Variants in MUC4 observed in about 807,000 individuals in gnomAD.
MUC4 encodes mucin 4, cell surface associated, also known as mucin-4.
A neutral mutation model predicts 257.9 loss-of-function variants in MUC4; 202 were observed. The ratio of observed to expected loss-of-function variants is 0.78; its 90% confidence interval spans 0.70 to 0.88. MUC4 has a LOEUF of 0.88. Among genes scored for constraint, MUC4 ranks in the 40% least tolerant of loss-of-function variants. The probability of loss-of-function intolerance (pLI) is 0.00; values close to 1 mark genes in which losing one functional copy is unlikely to be tolerated. For missense variants in MUC4, 5,976 were observed against 6,513.7 expected, an observed-to-expected ratio of 0.92 and a Z score of 2.84; for synonymous variants, 2,351 against 2,757.1, an observed-to-expected ratio of 0.85 and a Z score of 4.62.
At chr3:195,753,302 G>A (rs975938802) in intron 19 of MUC4, 72 bp from the exon 20 acceptor site, 13 of 1,466,094 alleles carry the variant, frequency 8.9e-6, no homozygotes, top group South Asian at 4.7e-5. Context: ...GTGGAAACCC[G>A]CTCCGGGACA....
chr3:195,747,827 C>T (rs1715366794), intron 24 of MUC4, among the ~76,000 whole-genome samples: 1 of 152,298 alleles, frequency 6.6e-6, no homozygotes, highest in Non-Finnish European at 1.5e-5. Context: ...CAACACTGCA[C>T]TCCAGCCTGG....
rs1578428228 is a variant in MUC4 at position 195,789,840 on chromosome 3, G to A, written c.1740C>T (p.Ser580=). The A allele has an allele frequency of 6.2e-7, 1 of 1,614,030 alleles. No individual in the cohort carries two copies. The highest frequency in any genetic ancestry group is 8.5e-7 in the Non-Finnish European group (1 of 1,179,878). The change falls in exon 2 of 25, where the codon AGC becomes AGT. Residue 580 remains serine, a synonymous_variant. Coordinates refer to ENST00000463781, the MANE Select transcript of MUC4 (RefSeq NM_018406.7). ...ETGTTGEALL[S]SPSYSVTQMI... The stretch of plus-strand genomic sequence containing the variant: ...TCTGAGTCACACTGTAGCTTGGGCT[G>A]CTGAGAAGAGCCTCTCCAGTGGTCC...
intron 1 of MUC4, chr3:195,809,935 G>A (rs1736480291): frequency 6.6e-6 from 1 of 152,504 alleles, no homozygotes; most frequent in South Asian, 2.1e-4. Context: ...TTGGCCCTGG[G>A]GCTCCTAAAT....
chr3:195,749,034 C>A lies in MUC4; in HGVS notation c.15902G>T (p.Arg5301Ile), dbSNP rs774101318. ...LNVSTLKAYF[R>I]CDGYKGYDLV... ...GTCGTAGCCCTTGTAGCCATCGCATCTGAAGTAAGCCTTCAGCGTGCTCAC... is the reference window on the plus strand; with the variant it reads ...GTCGTAGCCCTTGTAGCCATCGCATATGAAGTAAGCCTTCAGCGTGCTCAC... Residue 5301 changes from arginine (R) to isoleucine (I), a missense_variant, in exon 24 of 25, where the codon AGA (arginine) becomes ATA (isoleucine). By Grantham distance (97) the Arg-to-Ile change is moderately conservative. Coordinates refer to ENST00000463781, the MANE Select transcript of MUC4 (RefSeq NM_018406.7). The A allele has an allele frequency of 5.6e-6, 9 of 1,606,224 alleles. No homozygotes were observed. The Middle Eastern group carries it at 8.2e-4, about 147-fold the overall frequency.
rs372247433 is a variant in MUC4 at position 195,765,461 on chromosome 3, G to A, written c.13619-12C>T. The A allele has an allele frequency of 4.7e-5, 76 of 1,607,776 alleles. No homozygotes were observed. The highest frequency in any genetic ancestry group is 4.3e-5 in the Non-Finnish European group (50 of 1,176,376). ...CAGCCCTTGGAGGCCTGAGGTCGGG[G>A]ATGGGGGGGAAAGGGCTTATCCAGG... On this transcript the variant is annotated splice_polypyrimidine_tract_variant and intron_variant, in intron 8 of 24. Coordinates refer to ENST00000463781, the MANE Select transcript of MUC4 (RefSeq NM_018406.7).
At chr3:195,772,392 GGT>G in intron 4 of MUC4, among the ~76,000 whole-genome samples, 1 of 141,042 alleles carries the variant, frequency 7.1e-6, no homozygotes, top group African/African-American at 2.7e-5. Context: ...ATCGCTCAGG[GGT>G]GTAGACACCC....
chr3:195,763,066 G>A, intron 12 of MUC4, 121 bp from the exon 13 acceptor site: 1 of 838,368 alleles, frequency 1.2e-6, no homozygotes, highest in African/African-American at 1.7e-5. Context: ...AGGCGCTGGA[G>A]GCCGCGGCCT....
Position 195,786,935 on chromosome 3 carries a change from C to A in MUC4, c.4645G>T (p.Asp1549Tyr), listed in dbSNP as rs199976859. 1.5e-6 allele frequency: 1 copy of A among 671,836 alleles called. No individual in the cohort carries two copies. Among genetic ancestry groups the A allele is most frequent in the Non-Finnish European group, 1.9e-6 (1 of 539,196 alleles). 41.6% of individuals were successfully genotyped at this position (671,836 alleles called of 1,614,324 possible). A position where few individuals can be genotyped will look rare whatever the true frequency, so the allele number is the denominator to read the frequency against. ...TCGGTGACAGGAAGAGGGGTGGTGTCACCTGTGGATGCTGAGGAAGGGCTA... is the reference window on the plus strand; with the variant it reads ...TCGGTGACAGGAAGAGGGGTGGTGTAACCTGTGGATGCTGAGGAAGGGCTA... The part of the protein sequence containing the change: ...VTSPSSASTG[D>Y]TTPLPVTDAS... The change falls in exon 2 of 25, where the codon GAC (aspartate) becomes TAC (tyrosine). Residue 1549 changes from aspartate (D) to tyrosine (Y), a missense_variant. Physicochemically the swap from Asp to Tyr is radical, Grantham distance 160 (BLOSUM62 -3). Around this residue, in one of 44 missense-constraint regions of MUC4, gnomAD observed 63 missense variants for 68.8 expected, o/e 0.92. Transcript: ENST00000463781.
intron 13 of MUC4, 151 bp downstream of exon 13, chr3:195,762,704 A>G (rs1426523607): frequency 1.3e-5 from 3 of 227,348 alleles, no homozygotes; most frequent in African/African-American, 1.0e-4. Flanking sequence ...ACCGCAAAGC[A>G]CTCGGCGCGG....
intron 2 of MUC4, 127 bp from the exon 3 acceptor site, chr3:195,778,582 C>G (rs1368589135): frequency 3.7e-6 from 5 of 1,356,294 alleles, no homozygotes; most frequent in Non-Finnish European, 5.0e-6. Flanking sequence ...CTGCTCATAT[C>G]CAAACTACTC....
chr3:195,778,608 T>A (rs1182923288), intron 2 of MUC4, among the ~76,000 whole-genome samples, 153 bp from the exon 3 acceptor site: 1 of 152,334 alleles, frequency 6.6e-6, no homozygotes, highest in African/African-American at 2.4e-5. Context: ...ATCAGTGCTT[T>A]TCGATTGCGG....
In MUC4 at chr3:195,782,226, G is replaced by T; in HGVS notation, c.9354C>A (p.Thr3118=). ...AAGTGTCGGTGACAGGAAGAGGGGT[G>T]GTGTGACCTGTGGATGCTGAGGAAG... ...TSPSSASTGH[T]TPLPVTDTSS... is the part of the protein sequence containing the mutation. Residue 3118 remains threonine, a synonymous_variant, in exon 2 of 25, where the codon ACC becomes ACA. Coordinates refer to ENST00000463781, the MANE Select transcript of MUC4 (RefSeq NM_018406.7). The T allele has an allele frequency of 1.4e-6, 2 of 1,402,256 alleles. No homozygotes were observed. The highest frequency in any genetic ancestry group is 1.3e-5 in the South Asian group (1 of 74,564). 86.9% of individuals were successfully genotyped at this position (1,402,256 alleles called of 1,614,324 possible).
chr3:195,767,176 C>T (rs1446086497), intron 7 of MUC4, among the ~76,000 whole-genome samples: 1 of 152,062 alleles, frequency 6.6e-6, no homozygotes, highest in Admixed American at 6.5e-5. Context: ...TGCTGATCCC[C>T]CCACTTACTA....
In MUC4 at chr3:195,750,926, C is replaced by A. The variant is rs1468025224; in HGVS notation, c.15834G>T (p.Gln5278His). 1 of 1,614,022 alleles carries A rather than the reference C, an allele frequency of 6.2e-7. No homozygotes were observed. Among genetic ancestry groups the A allele is most frequent in the African/African-American group, 1.3e-5 (1 of 75,044 alleles). ...CGCGCACGTCTTCCCCGGAGATGGG[C>A]TGGAAGACCACGTCGTTCCTGGGCT... Reference protein sequence around the residue: ...SEEPRNDVVFQPISGEDVRDV... With the variant: ...SEEPRNDVVFHPISGEDVRDV... The change falls in exon 23 of 25, where the codon CAG becomes CAT. Residue 5278 changes from glutamine (Q) to histidine (H), a missense_variant. Coordinates refer to ENST00000463781, the MANE Select transcript of MUC4 (RefSeq NM_018406.7).
chr3:195,811,739 G>C lies in MUC4; in HGVS notation c.79C>G (p.Pro27Ala). ...LCLCLLPHVV[P>A]GTTEDTLITG... is the part of the protein sequence containing the mutation. ...ATCTGCTGTCTCCATCACTTACCTG[G>C]GACCACATGCGGAAGGAGGCAGAGA... The change falls in exon 1 of 25, where the codon CCA becomes GCA. Residue 27 changes from proline to alanine, a missense_variant. Pro to Ala is a conservative substitution (Grantham distance 27). Around this residue, in one of 44 missense-constraint regions of MUC4, gnomAD observed 1,583 missense variants for 1,257.4 expected, o/e 1.26. Coordinates refer to ENST00000463781, the MANE Select transcript of MUC4 (RefSeq NM_018406.7). The C allele has an allele frequency of 6.2e-7, 1 of 1,613,832 alleles. No homozygotes were observed. The highest frequency in any genetic ancestry group is 2.2e-5 in the East Asian group (1 of 44,856).
At chr3:195,766,375 A>G (rs13082993) in intron 8 of MUC4, among the ~76,000 whole-genome samples, 1 of 151,522 alleles carries the variant, frequency 6.6e-6, no homozygotes, top group African/African-American at 2.4e-5. Flanking sequence ...CCCTGTCCTC[A>G]CTTCCAGGAT....
At position 195,785,234 on chromosome 3, in the gene MUC4, T is replaced by C; in HGVS notation, c.6346A>G (p.Thr2116Ala). Residue 2116 changes from threonine to alanine, a missense_variant, in exon 2 of 25, where the codon ACC (threonine) becomes GCC (alanine). By Grantham distance (58) the Thr-to-Ala change is moderately conservative. Around this residue, in one of 44 missense-constraint regions of MUC4, gnomAD observed 85 missense variants for 325.0 expected, o/e 0.26. Transcript: ENST00000463781. ...CCTGTGGATAATGAGGAAGCATCGG[T>C]GTCATGAAGAGCGGTGGCGTGACCT... is the stretch of plus-strand genomic sequence containing the variant. Reference protein sequence around the residue: ...STGHATALHDTDASSLSTGDT... With the variant: ...STGHATALHDADASSLSTGDT... The C allele has an allele frequency of 1.3e-6, 2 of 1,551,608 alleles. No homozygotes were observed. Among genetic ancestry groups the C allele is most frequent in the Non-Finnish European group, 8.7e-7 (1 of 1,146,918 alleles).
In MUC4 at chr3:195,770,222, G is replaced by T; in HGVS notation, c.13392C>A (p.Thr4464=). 1 of 1,607,072 alleles carries T rather than the reference G, an allele frequency of 6.2e-7. No homozygotes were observed. Among genetic ancestry groups the T allele is most frequent in the Non-Finnish European group, 8.5e-7 (1 of 1,177,318 alleles). ...VNAHAYPAQW[T]LGSNTYQAIL... ...TGCCCAGGGGTCTACTCACCCCGAG[G>T]GTCCACTGGGCAGGATAGGCGTGGG... Residue 4464 remains threonine (T), a synonymous_variant, in exon 6 of 25, where the codon ACC becomes ACA. Coordinates refer to ENST00000463781, the MANE Select transcript of MUC4 (RefSeq NM_018406.7).
chr3:195,748,240 A>G (rs1459906501), intron 24 of MUC4, among the ~76,000 whole-genome samples: 1 of 152,270 alleles, frequency 6.6e-6, no homozygotes. Context: ...AGGAGACAGC[A>G]GGGAAGCAGC....
Sources: gnomAD v4.1 joint callset for allele counts (sites outside exome capture counted in the v4.1 genomes callset) on GRCh38, gnomAD v4.1.1 for gene constraint, gnomAD v4.1.1 regional missense constraint, MANE v1.5 for transcripts, NCBI Gene and HGNC (gene_info 2026-07-23, HGNC 2026-07-21) for gene names.